The following TRERF1 variants were observed in gnomAD, a reference collection of about 807,000 sequenced individuals.
TRERF1 encodes transcriptional regulating factor 1, also known as transcriptional-regulating factor 1.
A neutral mutation model predicts 122.9 loss-of-function variants in TRERF1; 27 were observed. The observed-to-expected ratio is 0.22, with a 90% CI of 0.16 to 0.30. The LOEUF is 0.30. Among genes scored for constraint, TRERF1 ranks in the 10% least tolerant of loss-of-function variants. The probability of loss-of-function intolerance (pLI) is 1.00; values close to 1 mark genes in which losing one functional copy is unlikely to be tolerated. For missense variants in TRERF1, 1,248 were observed against 1,560.3 expected (o/e 0.80, Z 3.37); for synonymous variants, 636 against 641.7 (o/e 0.99, Z 0.13).
At chr6:42,353,847 C>T (rs867775294) in intron 3 of TRERF1, among the ~76,000 whole-genome samples, 8 of 152,056 alleles carry the variant, frequency 5.3e-5, no homozygotes, top group African/African-American at 1.9e-4. Flanking sequence ...TACATATAAA[C>T]ATAGTTATAA....
intron 2 of TRERF1, among the ~76,000 whole-genome samples, chr6:42,383,547 C>T (rs543309234): frequency 2.6e-5 from 4 of 152,126 alleles, no homozygotes; most frequent in East Asian, 1.9e-4. Context: ...GACTGTTCCC[C>T]GCTCCGACGA....
intron 3 of TRERF1, among the ~76,000 whole-genome samples, chr6:42,309,623 T>C (rs78799173): frequency 0.022 from 3,295 of 152,336 alleles, 59 homozygotes; most frequent in Non-Finnish European, 0.033. Context: ...GTTTGCTGAA[T>C]TGGACTTTGC....
At chr6:42,365,173 C>T (rs546230910) in intron 2 of TRERF1, among the ~76,000 whole-genome samples, 57 of 152,258 alleles carry the variant, frequency 3.7e-4, no homozygotes, top group African/African-American at 1.3e-3. Flanking sequence ...GGGCGTGGCC[C>T]TGAAACCCAG....
intron 3 of TRERF1, among the ~76,000 whole-genome samples, chr6:42,347,198 T>C (rs951178174): frequency 1.3e-5 from 2 of 152,196 alleles, no homozygotes; most frequent in Admixed American, 1.3e-4. Context: ...GCCATCTCCA[T>C]TCATTCTCCA....
chr6:42,318,761 G>C (rs1343924025), intron 3 of TRERF1, among the ~76,000 whole-genome samples: 3 of 152,374 alleles, frequency 2.0e-5, no homozygotes, highest in Middle Eastern at 3.4e-3. Context: ...CTGCAATAGA[G>C]ACCATGGCTG....
intron 3 of TRERF1, among the ~76,000 whole-genome samples, chr6:42,317,790 G>T (rs1762736484): frequency 6.6e-6 from 1 of 151,714 alleles, no homozygotes; most frequent in Non-Finnish European, 1.5e-5. Context: ...AACTTTTTAA[G>T]ATATAGTTGA....
At chr6:42,264,414 C>T (rs192743249) in intron 7 of TRERF1, among the ~76,000 whole-genome samples, 1 of 152,370 alleles carries the variant, frequency 6.6e-6, no homozygotes, top group African/African-American at 2.4e-5. Context: ...AATAATATTG[C>T]ATTTACATGT....
chr6:42,374,161 A>C (rs568888416), intron 2 of TRERF1, among the ~76,000 whole-genome samples: 3,315 of 151,032 alleles, frequency 0.022, 133 homozygotes, highest in African/African-American at 0.077. Flanking sequence ...AAGAAGAAGA[A>C]GAAGAAGAAG....
At chr6:42,356,059 G>A (rs1017175284) in intron 3 of TRERF1, among the ~76,000 whole-genome samples, 13 of 152,148 alleles carry the variant, frequency 8.5e-5, no homozygotes, top group Non-Finnish European at 1.3e-4. Context: ...TCTAGCCCCA[G>A]GTCACCTCCA....
intron 2 of TRERF1, among the ~76,000 whole-genome samples, chr6:42,433,349 G>A (rs574596803): frequency 5.3e-5 from 8 of 151,998 alleles, no homozygotes; most frequent in East Asian, 3.9e-4. Context: ...TTCTGCAAGC[G>A]ATTTCTCCTC....
At chr6:42,335,063 A>C (rs1198541975) in intron 3 of TRERF1, among the ~76,000 whole-genome samples, 1 of 152,250 alleles carries the variant, frequency 6.6e-6, no homozygotes, top group Non-Finnish European at 1.5e-5. Flanking sequence ...AGGCCACAGA[A>C]GTGGCTTCAA....
intron 2 of TRERF1, among the ~76,000 whole-genome samples, chr6:42,436,837 A>ATATGTC (rs2151733528): frequency 7.1e-6 from 1 of 141,746 alleles, no homozygotes; most frequent in Admixed American, 7.1e-5. Flanking sequence ...ATATATATAT[A>ATATGTC]TATATATATA....
At chr6:42,397,427 T>C (rs1304142358) in intron 2 of TRERF1, among the ~76,000 whole-genome samples, 1 of 152,220 alleles carries the variant, frequency 6.6e-6, no homozygotes, top group Non-Finnish European at 1.5e-5. Context: ...TATTATTCAA[T>C]ATTGAATTAC....
intron 3 of TRERF1, among the ~76,000 whole-genome samples, chr6:42,346,077 G>C (rs1768217053): frequency 1.3e-5 from 2 of 152,250 alleles, no homozygotes; most frequent in South Asian, 4.1e-4. Flanking sequence ...CTTACTATAT[G>C]TGTAATGAGA....
At chr6:42,241,484 G>A (rs1043056011) in intron 15 of TRERF1, among the ~76,000 whole-genome samples, 51 of 151,310 alleles carry the variant, frequency 3.4e-4, no homozygotes, top group Non-Finnish European at 5.3e-4. Flanking sequence ...TTTTTCAGAT[G>A]GAGTTTTGCT....
chr6:42,374,612 T>A (rs1237487341), intron 2 of TRERF1, among the ~76,000 whole-genome samples: 1 of 152,174 alleles, frequency 6.6e-6, no homozygotes, highest in Non-Finnish European at 1.5e-5. Context: ...GAGCAAGACC[T>A]ACATCCACCT....
chr6:42,264,680 G>C, intron 7 of TRERF1, 24 bp downstream of exon 7: 1 of 1,611,804 alleles, frequency 6.2e-7, no homozygotes, highest in South Asian at 1.1e-5. Flanking sequence ...ACCTAGAAAG[G>C]ACCGGGAACT....
At chr6:42,299,053 C>A (rs1785582607) in intron 4 of TRERF1, among the ~76,000 whole-genome samples, 1 of 150,942 alleles carries the variant, frequency 6.6e-6, no homozygotes, top group African/African-American at 2.5e-5. Context: ...CTAGCCTGGG[C>A]AAGAGAGCAA....
intron 2 of TRERF1, among the ~76,000 whole-genome samples, chr6:42,380,569 T>G (rs1054470550): frequency 3.3e-5 from 5 of 152,202 alleles, no homozygotes; most frequent in African/African-American, 9.7e-5. Context: ...GTCTTATGAT[T>G]GCCCAAAGAG....
Sources: allele counts gnomAD v4.1 joint callset (sites outside exome capture counted in the v4.1 genomes callset), GRCh38; gene constraint gnomAD v4.1.1; transcripts MANE v1.5; gene names NCBI Gene and HGNC (gene_info 2026-07-23, HGNC 2026-07-21).